CASD1: variants seen among roughly 807,000 people sequenced by gnomAD.
CASD1 encodes the protein N-acetylneuraminate (7)9-O-acetyltransferase.
A neutral mutation model predicts 100.0 loss-of-function variants in CASD1; 41 were observed. The observed-to-expected ratio is 0.41, with a 90% CI of 0.32 to 0.53. The LOEUF (loss-of-function observed/expected upper bound fraction) is 0.53. Ranked by LOEUF, CASD1 falls within the 20% of genes least tolerant of loss-of-function variation. CASD1 has a pLI of 0.25. For missense variants in CASD1, 774 were observed against 948.7 expected, an observed-to-expected ratio of 0.82 and a Z score of 2.42; for synonymous variants, 321 against 315.6, an observed-to-expected ratio of 1.02 and a Z score of -0.18.
downstream of CASD1, among the ~76,000 whole-genome samples, chr7:94,558,493 A>G (rs1796280393): frequency 1.3e-5 from 2 of 152,178 alleles, no homozygotes; most frequent in South Asian, 2.1e-4. Flanking sequence ...TTTTAGCTTA[A>G]TAGTGAAGAC....
intron 5 of CASD1, among the ~76,000 whole-genome samples, chr7:94,528,796 A>C (rs1794704985): frequency 6.6e-6 from 1 of 152,116 alleles, no homozygotes; most frequent in African/African-American, 2.4e-5. Context: ...TCCATTTTAC[A>C]ATCTCTGTAG....
At chr7:94,542,473 TAAATA>T (rs1795456158) in intron 10 of CASD1, among the ~76,000 whole-genome samples, 1 of 152,244 alleles carries the variant, frequency 6.6e-6, no homozygotes, top group African/African-American at 2.4e-5. Flanking sequence ...CATATTGAGT[TAAATA>T]AAATATATTT....
At chr7:94,510,298 A>G (rs1051232914) in intron 1 of CASD1, 81 bp downstream of exon 1, 82 of 1,066,904 alleles carry the variant, frequency 7.7e-5, no homozygotes, top group Non-Finnish European at 9.6e-5. Context: ...CCATCGCCCA[A>G]CACACGCCCA....
At chr7:94,624,227 A>C in the CASD1 span, 2 of 398,112 alleles carry the variant, frequency 5.0e-6, no homozygotes, top group Non-Finnish European at 4.4e-6. Context: ...ACCTTCTGGC[A>C]ATGATTGCAG....
intron 3 of CASD1, among the ~76,000 whole-genome samples, 153 bp from the exon 4 acceptor site, chr7:94,527,009 C>T (rs938752633): frequency 1.3e-5 from 2 of 151,790 alleles, no homozygotes; most frequent in Non-Finnish European, 2.9e-5. Flanking sequence ...CGGTTTTTTC[C>T]CTTTCGGGTT....
chr7:94,552,594 A>G (rs1208259769), intron 16 of CASD1, among the ~76,000 whole-genome samples, 167 bp downstream of exon 16: 2 of 152,156 alleles, frequency 1.3e-5, no homozygotes, highest in Admixed American at 6.6e-5. Flanking sequence ...ATCTCTTTCA[A>G]AGGGTTCTTG....
intron 12 of CASD1, among the ~76,000 whole-genome samples, chr7:94,546,620 A>G (rs892042438): frequency 6.6e-6 from 1 of 151,982 alleles, no homozygotes; most frequent in Non-Finnish European, 1.5e-5. Flanking sequence ...CTTTTAACAC[A>G]TAATTTTAAA....
Position 94,510,800 on chromosome 7 carries a change from C to G in CASD1, c.133+583C>G, listed in dbSNP as rs1228562493. On this transcript the variant is annotated intron_variant, in intron 1 of 17. Transcript: ENST00000297273. ...AAGGGCGACAGCTGGCAAAAGATGC[C>G]TGTGGCCAAATGGAAGAGGTGCCAC... 2.0e-5 allele frequency among the ~76,000 whole-genome samples: 3 copies of G among 152,262 alleles called. No individual in the cohort carries two copies. The East Asian group carries it at 5.8e-4, about 29-fold the overall frequency.
In CASD1 at chr7:94,555,689, G is replaced by A. The variant is rs755739647; in HGVS notation, c.2325G>A (p.Leu775=). The A allele has an allele frequency of 3.1e-6, 5 of 1,613,170 alleles. No homozygotes were observed. Among genetic ancestry groups the A allele is most frequent in the Middle Eastern group, 1.7e-4 (1 of 6,056 alleles). The part of the protein sequence containing the change: ...PKDNSSLLKR[L]ACIAAFFCGL... ...ATAACTCATCTCTCTTGAAAAGGTT[G>A]GCATGTATAGCTGCATTTTTTTGTG... Residue 775 remains leucine, a synonymous_variant, in exon 18 of 18, where the codon TTG becomes TTA. Coordinates refer to ENST00000297273, the MANE Select transcript of CASD1 (RefSeq NM_022900.5).
chr7:94,619,120 A>G, the CASD1 span: 12 of 632,940 alleles, frequency 1.9e-5, no homozygotes, highest in Non-Finnish European at 3.4e-5. Context: ...GGATGTATCT[A>G]AAAACATAAC....
At chr7:94,616,514 A>T in the CASD1 span, among the ~76,000 whole-genome samples, 1 of 152,132 alleles carries the variant, frequency 6.6e-6, no homozygotes, top group African/African-American at 2.4e-5. Context: ...GATCTTTTTA[A>T]TATTTCATTT....
intron 13 of CASD1, among the ~76,000 whole-genome samples, chr7:94,549,015 G>A (rs921298164): frequency 6.6e-6 from 1 of 151,938 alleles, no homozygotes; most frequent in Non-Finnish European, 1.5e-5. Flanking sequence ...GACTAATTCA[G>A]AGGACTCTTT....
chr7:94,577,587 T>C, the CASD1 span, among the ~76,000 whole-genome samples: 2 of 152,236 alleles, frequency 1.3e-5, no homozygotes, highest in South Asian at 4.1e-4. Context: ...AGGTCTTTCC[T>C]GAGCAGTCAC....
the CASD1 span, chr7:94,598,984 A>G: frequency 6.3e-7 from 1 of 1,589,884 alleles, no homozygotes; most frequent in Non-Finnish European, 8.6e-7. Context: ...AAGAAATAAA[A>G]CAACATATAT....
At chr7:94,609,078 A>C in the CASD1 span, among the ~76,000 whole-genome samples, 2 of 152,242 alleles carry the variant, frequency 1.3e-5, no homozygotes, top group African/African-American at 4.8e-5. Context: ...GACTTAATTA[A>C]AATTAAAAAT....
chr7:94,605,151 A>G, the CASD1 span, among the ~76,000 whole-genome samples: 1 of 152,086 alleles, frequency 6.6e-6, no homozygotes, highest in Non-Finnish European at 1.5e-5. Flanking sequence ...GAAAAGACTG[A>G]ACAAGCATCA....
At chr7:94,628,137 T>TATACAC in the CASD1 span, 1 of 991,512 alleles carries the variant, frequency 1.0e-6, no homozygotes. Context: ...CAAATTACAA[T>TATACAC]ACACACACAC....
chr7:94,566,719 G>T, the CASD1 span, among the ~76,000 whole-genome samples: 1 of 151,910 alleles, frequency 6.6e-6, no homozygotes, highest in Non-Finnish European at 1.5e-5. Context: ...TTTTTCAAAT[G>T]TGCCATAGTG....
At chr7:94,613,414 A>G in the CASD1 span, among the ~76,000 whole-genome samples, 1 of 152,186 alleles carries the variant, frequency 6.6e-6, no homozygotes, top group Admixed American at 6.5e-5. Context: ...ACCCTAGCAC[A>G]TGTTTTCAAA....
Sources: allele counts gnomAD v4.1 joint callset (sites outside exome capture counted in the v4.1 genomes callset), GRCh38; gene constraint gnomAD v4.1.1; transcripts MANE v1.5; gene names NCBI Gene and HGNC (gene_info 2026-07-23, HGNC 2026-07-21).